DMD: variants seen among roughly 807,000 people sequenced by gnomAD.
The protein encoded by DMD is mutant dystrophin.
Under a neutral mutation model 330.1 loss-of-function variants are expected in DMD, and 63 were observed. That is an observed-to-expected ratio of 0.19 (90% CI 0.16 to 0.24). The LOEUF (loss-of-function observed/expected upper bound fraction) is 0.24, where lower values mean the gene tolerates loss of function less well. DMD is among the 10% of genes least tolerant of loss of function. The probability of loss-of-function intolerance (pLI) is 1.00; values close to 1 mark genes in which losing one functional copy is unlikely to be tolerated. For synonymous variants in DMD, 1,223 were observed against 959.8 expected, an observed-to-expected ratio of 1.27 and a Z score of -5.07; for missense variants, 3,344 against 2,684.1, an observed-to-expected ratio of 1.25 and a Z score of -5.43.
At chrX:31,800,677 T>A (rs563258784) in intron 50 of DMD, among the ~76,000 whole-genome samples, 1 of 112,523 alleles carries the variant, frequency 8.9e-6, no homozygotes, top group South Asian at 3.7e-4. Flanking sequence ...TATCACATTG[T>A]TAGGCTGCAG....
intron 44 of DMD, among the ~76,000 whole-genome samples, chrX:32,216,285 T>C (rs754684573): frequency 2.7e-5 from 3 of 112,029 alleles, no homozygotes; most frequent in Non-Finnish European, 5.6e-5. Flanking sequence ...ATCTAATCTA[T>C]CTTTACCTGC....
At chrX:32,257,243 A>G (rs1395005199) in intron 43 of DMD, among the ~76,000 whole-genome samples, 1 of 112,323 alleles carries the variant, frequency 8.9e-6, no homozygotes, top group Non-Finnish European at 1.9e-5. Flanking sequence ...CATACTGTCC[A>G]AATTAATTTA....
At chrX:32,056,919 C>A (rs191244566) in intron 44 of DMD, among the ~76,000 whole-genome samples, 197 of 111,042 alleles carry the variant, frequency 1.8e-3, no homozygotes, top group African/African-American at 6.1e-3. Flanking sequence ...GGATTATACA[C>A]GAGAGCCATA....
chrX:32,670,425 C>G (rs1169859961), intron 9 of DMD, among the ~76,000 whole-genome samples: 1 of 111,767 alleles, frequency 8.9e-6, no homozygotes. Flanking sequence ...TTTAGGAATT[C>G]AAGATGCCTA....
intron 1 of DMD, among the ~76,000 whole-genome samples, chrX:33,146,503 G>A (rs976197105): frequency 3.6e-5 from 4 of 111,591 alleles, no homozygotes; most frequent in Non-Finnish European, 7.5e-5. Flanking sequence ...AGAGAAGGTA[G>A]TTTCTATTAC....
At chrX:31,178,124 AAC>A (rs1335122099) in intron 70 of DMD, 154 bp from the exon 71 acceptor site, 1 of 726,435 alleles carries the variant, frequency 1.4e-6, no homozygotes, top group African/African-American at 2.3e-5. Context: ...TTAAAAGAAA[AAC>A]ACACAGTTGT....
At chrX:32,748,172 G>A (rs997082712) in intron 7 of DMD, among the ~76,000 whole-genome samples, 11 of 109,093 alleles carry the variant, frequency 1.0e-4, no homozygotes, top group Non-Finnish European at 3.8e-5. Flanking sequence ...GCAAAACCCC[G>A]TTTCTACTAA....
At chrX:33,081,960 A>G (rs1316547740) in intron 1 of DMD, among the ~76,000 whole-genome samples, 1 of 105,366 alleles carries the variant, frequency 9.5e-6, no homozygotes, top group Non-Finnish European at 1.9e-5. Context: ...TGTGGAAAAC[A>G]GTTTTTTTTT....
At chrX:31,726,620 GTA>G (rs1008750426) in intron 52 of DMD, among the ~76,000 whole-genome samples, 1 of 111,829 alleles carries the variant, frequency 8.9e-6, no homozygotes, top group African/African-American at 3.2e-5. Context: ...AAGTTTATGA[GTA>G]TTGAATTTCC....
At chrX:33,124,476 GAAAAAAAAAAAAAA>G (rs56147804) in intron 1 of DMD, among the ~76,000 whole-genome samples, 7 of 16,132 alleles carry the variant, frequency 4.3e-4, no homozygotes, top group African/African-American at 1.1e-3. Flanking sequence ...GACTCTGTCT[GAAAAAAAAAAAAAA>G]AAAAAAAAAA....
Position 32,703,448 on chromosome X carries a change from G to A in DMD, c.650-4155C>T, listed in dbSNP as rs1372468665. ...ACCATTTGTATACTATTAACAGGAA[G>A]CCAGAAGAATTTACTTAGAAGGAAA... On this transcript the variant is annotated intron_variant, in intron 7 of 78. Transcript: ENST00000357033. Among the ~76,000 whole-genome samples the A allele has an allele frequency of 2.7e-5, 3 of 111,533 alleles. No individual in the cohort carries two copies. In the East Asian group the frequency reaches 8.4e-4, roughly 31 times the overall value.
chrX:32,774,209 T>C (rs2073920037), intron 7 of DMD, among the ~76,000 whole-genome samples: 1 of 112,149 alleles, frequency 8.9e-6, no homozygotes, highest in African/African-American at 3.2e-5. Flanking sequence ...TAAGTTAAAA[T>C]ATTTTTAATA....
intron 48 of DMD, among the ~76,000 whole-genome samples, chrX:31,863,542 G>A (rs1415167685): frequency 9.0e-6 from 1 of 111,707 alleles, no homozygotes; most frequent in African/African-American, 3.3e-5. Context: ...CAAAATATTA[G>A]CGACTGAAAT....
intron 56 of DMD, among the ~76,000 whole-genome samples, chrX:31,499,489 C>CTTTT (rs774151183): frequency 0.25 from 21,205 of 83,294 alleles, 2,576 homozygotes; most frequent in East Asian, 0.43. Context: ...GAATTCAGTT[C>CTTTT]TTTTTTTTTT....
intron 44 of DMD, among the ~76,000 whole-genome samples, chrX:32,032,568 C>T (rs989574450): frequency 2.7e-5 from 3 of 111,555 alleles, no homozygotes; most frequent in African/African-American, 9.8e-5. Context: ...ACTTGAGTGT[C>T]ACTGCCTCTG....
chrX:31,749,426 G>A (rs1219052183), intron 51 of DMD, among the ~76,000 whole-genome samples: 3 of 102,937 alleles, frequency 2.9e-5, no homozygotes, highest in Non-Finnish European at 6.0e-5. Context: ...AGTTTACTGA[G>A]AATGATGATT....
chrX:32,097,627 A>C (rs1489680405), intron 44 of DMD, among the ~76,000 whole-genome samples: 3 of 112,068 alleles, frequency 2.7e-5, no homozygotes, highest in African/African-American at 9.7e-5. Flanking sequence ...CCTAAGTATA[A>C]AATTAAAGGG....
chrX:31,161,753 T>G (rs183845915), intron 74 of DMD, among the ~76,000 whole-genome samples: 1 of 111,593 alleles, frequency 9.0e-6, no homozygotes, highest in East Asian at 2.8e-4. Flanking sequence ...GGCTTTAGCT[T>G]TCTGCCAGGT....
intron 2 of DMD, among the ~76,000 whole-genome samples, chrX:32,938,590 C>G (rs2090176406): frequency 8.9e-6 from 1 of 111,759 alleles, no homozygotes; most frequent in African/African-American, 3.2e-5. Flanking sequence ...TTACTACCAA[C>G]CCCAGTTACT....
Sources: gnomAD v4.1 joint callset for allele counts (sites outside exome capture counted in the v4.1 genomes callset) on GRCh38, gnomAD v4.1.1 for gene constraint, MANE v1.5 for transcripts, NCBI Gene and HGNC (gene_info 2026-07-23, HGNC 2026-07-21) for gene names.